The following EYS variants were observed in gnomAD, a reference collection of about 807,000 sequenced individuals.
EYS encodes EGF-like photoreceptor maintenance factor.
Under a neutral mutation model 282.1 loss-of-function variants are expected in EYS, and 250 were observed. That is an observed-to-expected ratio of 0.89 (90% CI 0.80 to 0.98). The LOEUF is 0.98. Ranked by LOEUF, EYS falls within the 50% of genes least tolerant of loss-of-function variation. The pLI, the probability that EYS is intolerant of heterozygous loss-of-function variation, is 0.00. For missense variants in EYS, 4,016 were observed against 3,709.0 expected (o/e 1.08, Z -2.15); for synonymous variants, 1,355 against 1,282.9 (o/e 1.06, Z -1.20).
At chr6:64,419,577 C>T (rs570728068) in intron 28 of EYS, among the ~76,000 whole-genome samples, 10 of 152,268 alleles carry the variant, frequency 6.6e-5, no homozygotes, top group South Asian at 2.1e-4. Context: ...GATAAAATGG[C>T]GGTAAAGGGA....
rs142701263 is a variant in EYS, at chr6:65,331,518, T to C, written c.1766+3462A>G. The C allele has an allele frequency of 8.1e-3, 7,742 of 956,324 alleles. 31 individuals carry two copies. Among genetic ancestry groups the C allele is most frequent in the Non-Finnish European group, 9.1e-3 (7,334 of 803,636 alleles). The allele number at this position is 956,324 out of a possible 1,614,324, so 59.2% of individuals were successfully genotyped here. A position where few individuals can be genotyped will look rare whatever the true frequency, so the allele number is the denominator to read the frequency against. On this transcript the variant is annotated intron_variant, in intron 11 of 42. Coordinates refer to ENST00000503581, the MANE Select transcript of EYS (RefSeq NM_001142800.2). The stretch of plus-strand genomic sequence containing the variant: ...TATCTGCAACATTTGTTGGGCTCCA[T>C]TGTTAGTATTAATTATGAGACAATA...
intron 28 of EYS, among the ~76,000 whole-genome samples, chr6:64,395,784 T>A (rs4406207): frequency 0.92 from 130,715 of 142,856 alleles, 59,350 homozygotes; most frequent in Non-Finnish European, 0.99. Context: ...AAAGTATAAT[T>A]AAAAAAAAAG....
intron 35 of EYS, among the ~76,000 whole-genome samples, chr6:63,965,159 G>T (rs1054155101): frequency 3.3e-5 from 5 of 152,240 alleles, no homozygotes; most frequent in African/African-American, 9.6e-5. Context: ...GCTCAAAAGG[G>T]CCTTTCTATT....
chr6:64,358,090 G>C (rs750308802), intron 29 of EYS, among the ~76,000 whole-genome samples: 4 of 151,580 alleles, frequency 2.6e-5, no homozygotes, highest in Admixed American at 1.3e-4. Flanking sequence ...ATGAATTCCT[G>C]ATTGAATATC....
chr6:64,815,205 A>T (rs776557514), intron 21 of EYS: 2 of 453,086 alleles, frequency 4.4e-6, no homozygotes, highest in South Asian at 3.1e-5. Flanking sequence ...ATCCTTTGAT[A>T]TTTGTTCCAC....
At chr6:64,422,365 C>T (rs1774265127) in intron 28 of EYS, among the ~76,000 whole-genome samples, 1 of 152,064 alleles carries the variant, frequency 6.6e-6, no homozygotes, top group South Asian at 2.1e-4. Flanking sequence ...AGGGCCTATC[C>T]CTCTTGGAAT....
chr6:64,137,647 A>G (rs920152135), intron 31 of EYS, among the ~76,000 whole-genome samples: 4 of 152,144 alleles, frequency 2.6e-5, no homozygotes, highest in African/African-American at 9.7e-5. Context: ...AGAAAGGAGA[A>G]TTACTGGTTG....
At chr6:64,447,223 G>A (rs1049390661) in intron 26 of EYS, among the ~76,000 whole-genome samples, 1 of 140,960 alleles carries the variant, frequency 7.1e-6, no homozygotes, top group Non-Finnish European at 1.5e-5. Context: ...TTTCTCTAAA[G>A]AAGAGCTTGA....
At position 65,295,963 on chromosome 6, in the gene EYS, C is replaced by T; in HGVS notation, c.1923G>A (p.Glu641=). The T allele has an allele frequency of 6.4e-7, 1 of 1,551,128 alleles. No individual in the cohort carries two copies. The highest frequency in any genetic ancestry group is 8.7e-7 in the Non-Finnish European group (1 of 1,146,530). ...CAGATTTGCAGTCTTCAGTATCTATCTCACAGATGTTCCTTTCATATCTTT... is the reference window on the plus strand; with the variant it reads ...CAGATTTGCAGTCTTCAGTATCTATTTCACAGATGTTCCTTTCATATCTTT... ...GLQRYERNIC[E]IDTEDCKSAS... is the part of the protein sequence containing the mutation. The change falls in exon 12 of 43, where the codon GAG becomes GAA. Residue 641 remains glutamate, a synonymous_variant. Transcript: ENST00000503581.
chr6:64,972,803 C>A (rs938638349), intron 14 of EYS, among the ~76,000 whole-genome samples: 1 of 151,994 alleles, frequency 6.6e-6, no homozygotes, highest in African/African-American at 2.4e-5. Context: ...GCCCCCAACA[C>A]CCACATTGTT....
intron 33 of EYS, among the ~76,000 whole-genome samples, chr6:64,027,864 C>T (rs531125956): frequency 3.3e-5 from 5 of 152,240 alleles, no homozygotes; most frequent in South Asian, 4.1e-4. Flanking sequence ...CACTGAGCCC[C>T]GGGTATGTTT....
intron 30 of EYS, among the ~76,000 whole-genome samples, chr6:64,287,214 G>T (rs1768533354): frequency 6.6e-6 from 1 of 151,770 alleles, no homozygotes; most frequent in African/African-American, 2.4e-5. Context: ...TCCAATAACA[G>T]CCAAAAAAGA....
chr6:65,163,463 A>G (rs930641722), intron 12 of EYS, among the ~76,000 whole-genome samples: 1 of 151,288 alleles, frequency 6.6e-6, no homozygotes. Flanking sequence ...TTGTTTTACA[A>G]TTCTAAAATT....
At chr6:65,366,683 G>T (rs925999676) in intron 8 of EYS, among the ~76,000 whole-genome samples, 2 of 151,578 alleles carry the variant, frequency 1.3e-5, no homozygotes, top group African/African-American at 4.8e-5. Flanking sequence ...AGATGCAGTG[G>T]CATAAAACAA....
intron 21 of EYS, among the ~76,000 whole-genome samples, chr6:64,814,361 A>G (rs572457273): frequency 1.3e-5 from 2 of 152,022 alleles, no homozygotes; most frequent in Non-Finnish European, 2.9e-5. Flanking sequence ...CCCACCTCAT[A>G]TGGTGTGCTA....
intron 12 of EYS, among the ~76,000 whole-genome samples, chr6:65,236,695 T>C (rs1344979523): frequency 6.6e-6 from 1 of 152,168 alleles, no homozygotes; most frequent in African/African-American, 2.4e-5. Context: ...TTTATGGTAC[T>C]GACTTCAGTG....
intron 30 of EYS, among the ~76,000 whole-genome samples, chr6:64,234,610 G>C (rs1487762685): frequency 6.6e-6 from 1 of 151,992 alleles, no homozygotes; most frequent in Non-Finnish European, 1.5e-5. Context: ...ATTTTTAATA[G>C]ATACAGAATT....
At chr6:63,922,677 T>A (rs1764606714) in intron 35 of EYS, among the ~76,000 whole-genome samples, 1 of 152,240 alleles carries the variant, frequency 6.6e-6, no homozygotes, top group Non-Finnish European at 1.5e-5. Flanking sequence ...TACCTCACTA[T>A]TAATTTTCCT....
chr6:64,912,579 C>T lies in EYS; in HGVS notation c.2546G>A (p.Arg849His), dbSNP rs775080539. 2.1e-5 allele frequency: 32 copies of T among 1,551,066 alleles called. No individual in the cohort carries two copies. The highest frequency in any genetic ancestry group is 1.2e-4 in the South Asian group (10 of 84,044). The change falls in exon 16 of 43, where the codon CGC becomes CAC. Residue 849 changes from arginine to histidine, a missense_variant. By Grantham distance (29) the Arg-to-His change is conservative. Coordinates refer to ENST00000503581, the MANE Select transcript of EYS (RefSeq NM_001142800.2). The stretch of plus-strand genomic sequence containing the variant: ...ATGAAGTAGGTCACAAAGGTTATAG[C>T]GTTGGTGGCAAAATTGTCCAGTATA... Reference protein sequence around the residue: ...PLYTGQFCHQRYNLCDLLHNP... With the variant: ...PLYTGQFCHQHYNLCDLLHNP...
Sources: gnomAD v4.1 joint callset for allele counts (sites outside exome capture counted in the v4.1 genomes callset) on GRCh38, gnomAD v4.1.1 for gene constraint, MANE v1.5 for transcripts, NCBI Gene and HGNC (gene_info 2026-07-23, HGNC 2026-07-21) for gene names.